The following SULT2B1 variants were observed in gnomAD, a reference collection of about 807,000 sequenced individuals.
SULT2B1 encodes the protein sulfotransferase family 2B member 1.
SULT2B1 carries 16 observed loss-of-function variants against 33.2 expected under a neutral mutation model. The observed-to-expected ratio is 0.48, with a 90% CI of 0.33 to 0.73. The LOEUF is 0.73. SULT2B1 is among the 30% of genes least tolerant of loss of function. SULT2B1 has a pLI of 0.02. For synonymous variants in SULT2B1, 186 were observed against 200.5 expected (o/e 0.93, Z 0.61); for missense variants, 500 against 506.0 (o/e 0.99, Z 0.11).
intron 1 of SULT2B1, among the ~76,000 whole-genome samples, chr19:48,574,764 G>A (rs1054841369): frequency 7.2e-5 from 11 of 152,298 alleles, no homozygotes; most frequent in Non-Finnish European, 1.2e-4. Flanking sequence ...AGGACCTATG[G>A]AAGCCCAGCC....
chr19:48,597,589 C>G (rs546717830), intron 6 of SULT2B1, among the ~76,000 whole-genome samples: 1 of 151,754 alleles, frequency 6.6e-6, no homozygotes, highest in South Asian at 2.1e-4. Context: ...GTGATCCACC[C>G]GCCTCGGCCT....
intron 1 of SULT2B1, among the ~76,000 whole-genome samples, chr19:48,571,428 C>A (rs529434558): frequency 6.6e-6 from 1 of 151,686 alleles, no homozygotes; most frequent in Admixed American, 6.6e-5. Context: ...AACTCCTGAC[C>A]TCAGGTGATC....
chr19:48,553,929 C>G (rs549350021), intron 1 of SULT2B1, among the ~76,000 whole-genome samples: 4 of 152,294 alleles, frequency 2.6e-5, no homozygotes, highest in African/African-American at 9.6e-5. Flanking sequence ...GTTCCCGCCT[C>G]TGGGAAGGCC....
At chr19:48,584,036 C>T (rs541268561) in intron 2 of SULT2B1, among the ~76,000 whole-genome samples, 1 of 152,142 alleles carries the variant, frequency 6.6e-6, no homozygotes, top group East Asian at 1.9e-4. Flanking sequence ...CACTTGAACC[C>T]GGGAGGTGGA....
At chr19:48,589,085 A>G (rs2147623829) in intron 3 of SULT2B1, among the ~76,000 whole-genome samples, 1 of 152,216 alleles carries the variant, frequency 6.6e-6, no homozygotes, top group South Asian at 2.1e-4. Flanking sequence ...TCAGATGGGG[A>G]CCGACTGTCG....
chr19:48,579,284 T>C (rs1406895950), intron 2 of SULT2B1, among the ~76,000 whole-genome samples: 1 of 93,516 alleles, frequency 1.1e-5, no homozygotes. Context: ...ATGCAAGTTC[T>C]TTTTTTTTTT....
At chr19:48,588,972 C>T (rs1457259910) in intron 3 of SULT2B1, among the ~76,000 whole-genome samples, 2 of 152,186 alleles carry the variant, frequency 1.3e-5, no homozygotes, top group African/African-American at 2.4e-5. Context: ...CGCGTGGGCC[C>T]GGTGCGGACT....
chr19:48,595,669 T>TTG (rs1224001832), intron 5 of SULT2B1: 2 of 2,096 alleles, frequency 9.5e-4, no homozygotes, highest in East Asian at 0.083. Flanking sequence ...TTTTTTGTTG[T>TTG]TTTTTTTTTT....
rs9676516 is a variant in SULT2B1, at chr19:48,569,355, A to C, written c.72-6586A>C. Among the ~76,000 whole-genome samples, 12 of 16,736 alleles carry C rather than the reference A, an allele frequency of 7.2e-4. 1 individual carries two copies. The highest frequency in any genetic ancestry group is 3.5e-3 in the African/African-American group (8 of 2,306). The allele number at this position is 16,736 out of a possible 152,430, so 11.0% of individuals were successfully genotyped here. On this transcript the variant is annotated intron_variant, in intron 1 of 6. Transcript: ENST00000201586. The stretch of plus-strand genomic sequence containing the variant: ...AGACTCCGTCTCAAAAAAAAAAAAA[A>C]AAAAAAACATATATATATATATATA...
intron 2 of SULT2B1, 127 bp downstream of exon 2, chr19:48,576,210 C>G (rs1232486795): frequency 1.2e-6 from 1 of 819,290 alleles, no homozygotes; most frequent in East Asian, 2.6e-5. Flanking sequence ...AGAGCGGTGC[C>G]CCTGCCAGAA....
chr19:48,575,640 C>T (rs75338993), intron 1 of SULT2B1: 43,136 of 233,688 alleles, frequency 0.18, 4,474 homozygotes, highest in East Asian at 0.43. Context: ...GCCACCACGC[C>T]TGGCTGATTT....
At chr19:48,579,680 C>T (rs941005101) in intron 2 of SULT2B1, among the ~76,000 whole-genome samples, 1 of 147,182 alleles carries the variant, frequency 6.8e-6, no homozygotes, top group Non-Finnish European at 1.5e-5. Flanking sequence ...AGTCTCGGCT[C>T]ACTGCAACCT....
chr19:48,595,774 C>T (rs534931553), intron 5 of SULT2B1: 1 of 150,252 alleles, frequency 6.7e-6, no homozygotes, highest in East Asian at 2.0e-4. Flanking sequence ...TCAAACGATT[C>T]TCCTGCCTCA....
intron 1 of SULT2B1, among the ~76,000 whole-genome samples, chr19:48,555,843 G>A (rs973654623): frequency 6.6e-6 from 1 of 151,968 alleles, no homozygotes; most frequent in African/African-American, 2.4e-5. Context: ...AGGTTCAAGC[G>A]ATTCTTCTGC....
chr19:48,598,872 C>T (rs1973758971), intron 6 of SULT2B1, among the ~76,000 whole-genome samples: 1 of 151,900 alleles, frequency 6.6e-6, no homozygotes, highest in African/African-American at 2.4e-5. Flanking sequence ...TTAAAGGGTC[C>T]GGGATAAAGG....
intron 3 of SULT2B1, among the ~76,000 whole-genome samples, chr19:48,589,541 G>C (rs549867125): frequency 1.3e-5 from 2 of 152,222 alleles, no homozygotes; most frequent in African/African-American, 4.8e-5. Flanking sequence ...AGAGCAGAGA[G>C]GGGGGGCTGC....
intron 5 of SULT2B1, 120 bp from the exon 6 acceptor site, chr19:48,596,619 C>A: frequency 9.2e-7 from 1 of 1,089,072 alleles, no homozygotes; most frequent in Non-Finnish European, 1.3e-6. Context: ...GAAACTGAGG[C>A]AAAGAGGCAG....
Position 48,592,771 on chromosome 19 carries a change from G to T in SULT2B1, c.600G>T (p.Lys200Asn). Residue 200 changes from lysine (K) to asparagine (N), a missense_variant, in exon 5 of 7, where the codon AAG (lysine) becomes AAT (asparagine). Transcript: ENST00000201586. ...ACATTAAGGGCTGGCTTCGGATGAAGGGCAAAGACAACTTCCTATTTATCA... is the reference window on the plus strand; with the variant it reads ...ACATTAAGGGCTGGCTTCGGATGAATGGCAAAGACAACTTCCTATTTATCA... The part of the protein sequence containing the change: ...FDHIKGWLRM[K>N]GKDNFLFITY... 1 of 1,596,508 alleles carries T rather than the reference G, an allele frequency of 6.3e-7. No homozygotes were observed.
At chr19:48,586,464 G>C (rs1192669267) in intron 2 of SULT2B1, among the ~76,000 whole-genome samples, 1 of 152,202 alleles carries the variant, frequency 6.6e-6, no homozygotes, top group African/African-American at 2.4e-5. Context: ...AAGCAGAGAG[G>C]GAGTGGAGAG....
Sources: allele counts gnomAD v4.1 joint callset (sites outside exome capture counted in the v4.1 genomes callset), GRCh38; gene constraint gnomAD v4.1.1; transcripts MANE v1.5; gene names NCBI Gene and HGNC (gene_info 2026-07-23, HGNC 2026-07-21).